SMARCA1: variants seen among roughly 807,000 people sequenced by gnomAD.
SMARCA1 encodes SNF2 related chromatin remodeling ATPase 1, also known as SWI/SNF-related matrix-associated actin-dependent regulator of chromatin subfamily A member 1.
SMARCA1 carries 17 observed loss-of-function variants against 93.6 expected under a neutral mutation model. That is an observed-to-expected ratio of 0.18 (90% confidence interval 0.12 to 0.27). The LOEUF (loss-of-function observed/expected upper bound fraction) is 0.27. Among genes scored for constraint, SMARCA1 ranks in the 10% least tolerant of loss-of-function variants. The pLI is 1.00. For missense variants in SMARCA1, 630 were observed against 819.0 expected, an observed-to-expected ratio of 0.77 and a Z score of 2.82; for synonymous variants, 271 against 271.4, an observed-to-expected ratio of 1.00 and a Z score of 0.01.
chrX:129,461,925 A>AC (rs1932812508), intron 23 of SMARCA1, among the ~76,000 whole-genome samples: 1 of 111,701 alleles, frequency 9.0e-6, no homozygotes. Context: ...TCTTTTGTAT[A>AC]GCTAGCATTT....
chrX:129,510,998 T>C (rs1934999571), intron 6 of SMARCA1, among the ~76,000 whole-genome samples: 1 of 111,825 alleles, frequency 8.9e-6, no homozygotes, highest in Non-Finnish European at 1.9e-5. Flanking sequence ...CTTTTGAGGA[T>C]ATCTTTAGAT....
At chrX:129,517,623 C>A (rs1935250875) in intron 2 of SMARCA1, among the ~76,000 whole-genome samples, 1 of 110,373 alleles carries the variant, frequency 9.1e-6, no homozygotes, top group Non-Finnish European at 1.9e-5. Flanking sequence ...TAGCTATCAA[C>A]AACCAAAAAA....
At chrX:129,459,245 C>T (rs1298243720) in intron 23 of SMARCA1, among the ~76,000 whole-genome samples, 1 of 110,671 alleles carries the variant, frequency 9.0e-6, no homozygotes, top group Non-Finnish European at 1.9e-5. Flanking sequence ...ATGGTGAAAC[C>T]TCATCTCTAC....
intron 19 of SMARCA1, among the ~76,000 whole-genome samples, chrX:129,473,254 T>C (rs935190236): frequency 2.1e-4 from 23 of 111,482 alleles, no homozygotes; most frequent in African/African-American, 7.2e-4. Flanking sequence ...GGGCAGCGAC[T>C]AACAGGTAAG....
intron 21 of SMARCA1, among the ~76,000 whole-genome samples, chrX:129,466,837 T>TA (rs35808392): frequency 0.15 from 11,936 of 80,886 alleles, 620 homozygotes; most frequent in East Asian, 0.24. Context: ...CCTTTTCTCA[T>TA]AAAAAAAAAA....
chrX:129,517,201 A>T (rs945154566), intron 2 of SMARCA1, among the ~76,000 whole-genome samples: 1 of 111,664 alleles, frequency 9.0e-6, no homozygotes, highest in African/African-American at 3.2e-5. Flanking sequence ...ATTAACTATT[A>T]AAAGTTGATA....
chrX:129,503,442 C>T (rs1303729849), intron 9 of SMARCA1, among the ~76,000 whole-genome samples: 8 of 111,282 alleles, frequency 7.2e-5, no homozygotes, highest in African/African-American at 9.8e-5. Flanking sequence ...GTATGGCAGA[C>T]GGAGAAGGGA....
rs1366853473 is a variant in SMARCA1 at position 129,446,524 on chromosome X, TTATTA to T, written c.*633_*637del. On this transcript the variant is annotated 3_prime_UTR_variant, in exon 25 of 25. Transcript: ENST00000371121. ...AATTAAATTTCTTATAGACATTTCT[TTATTA>T]TATTTTCCCACTTGAATAGAGAATA... 2 of 112,619 alleles carry T rather than the reference TTATTA, an allele frequency of 1.8e-5. No individual in the cohort carries two copies. The highest frequency in any genetic ancestry group is 2.7e-4 in the East Asian group (1 of 3,639). The allele number at this position is 112,619 out of a possible 1,213,427, so 9.3% of individuals were successfully genotyped here.
intron 17 of SMARCA1, 120 bp downstream of exon 17, chrX:129,486,898 C>T: frequency 1.8e-6 from 1 of 556,821 alleles, no homozygotes; most frequent in Non-Finnish European, 3.0e-6. Context: ...GATATTTAGA[C>T]CTATATCAAA....
rs371093573 is a variant in SMARCA1 at position 129,518,349 on chromosome X, G to A, written c.261+12C>T. ...TTACAGCATTCACTATCCTATCCAA[G>A]ACTACATTTACCATTTTCTCTTCAT... On this transcript the variant is annotated intron_variant, in intron 2 of 24. Transcript: ENST00000371121. The A allele has an allele frequency of 9.2e-7, 1 of 1,087,106 alleles. No homozygotes were observed. Among genetic ancestry groups the A allele is most frequent in the Non-Finnish European group, 1.3e-6 (1 of 798,112 alleles). 89.6% of individuals were successfully genotyped at this position (1,087,106 alleles called of 1,213,427 possible).
At chrX:129,501,578 G>A (rs1416048299) in intron 9 of SMARCA1, among the ~76,000 whole-genome samples, 1 of 109,603 alleles carries the variant, frequency 9.1e-6, no homozygotes, top group Admixed American at 9.7e-5. Flanking sequence ...TTACAGGCGT[G>A]AGCCACTGCG....
At chrX:129,476,032 G>A (rs1228737545) in intron 19 of SMARCA1, among the ~76,000 whole-genome samples, 1 of 112,441 alleles carries the variant, frequency 8.9e-6, no homozygotes, top group Non-Finnish European at 1.9e-5. Context: ...AGCTTCGAAT[G>A]TGGCAAAACT....
chrX:129,454,908 C>A (rs1373792108), intron 23 of SMARCA1, among the ~76,000 whole-genome samples: 1 of 111,834 alleles, frequency 8.9e-6, no homozygotes, highest in East Asian at 2.8e-4. Context: ...CAATGAAACA[C>A]CATCTCACAC....
intron 17 of SMARCA1, among the ~76,000 whole-genome samples, chrX:129,483,742 A>C (rs1933781975): frequency 8.9e-6 from 1 of 112,021 alleles, no homozygotes; most frequent in Non-Finnish European, 1.9e-5. Flanking sequence ...ATAAGAGTAC[A>C]TTAATGCTAA....
chrX:129,511,583 T>C (rs934310940), intron 6 of SMARCA1, among the ~76,000 whole-genome samples: 2 of 111,523 alleles, frequency 1.8e-5, no homozygotes, highest in African/African-American at 6.5e-5. Flanking sequence ...TAATAATGGA[T>C]TGTCTATTAT....
intron 13 of SMARCA1, 128 bp from the exon 14 acceptor site, chrX:129,492,221 C>A (rs916325079): frequency 4.7e-5 from 19 of 406,918 alleles, no homozygotes; most frequent in African/African-American, 7.5e-5. Flanking sequence ...TTATAATATT[C>A]CTTATAAATA....
chrX:129,496,615 G>C, intron 12 of SMARCA1, 135 bp downstream of exon 12: 1 of 493,682 alleles, frequency 2.0e-6, no homozygotes, highest in South Asian at 3.6e-5. Context: ...AGATTGAAGA[G>C]AGAAAGAGAT....
chrX:129,473,880 A>AT (rs1483291859), intron 19 of SMARCA1, among the ~76,000 whole-genome samples: 1 of 111,888 alleles, frequency 8.9e-6, no homozygotes, highest in Non-Finnish European at 1.9e-5. Flanking sequence ...TTCGAGTTAC[A>AT]TAAGTGTATG....
chrX:129,482,922 T>G (rs1462058998), intron 17 of SMARCA1, among the ~76,000 whole-genome samples: 1 of 111,777 alleles, frequency 8.9e-6, no homozygotes, highest in Non-Finnish European at 1.9e-5. Context: ...GCATCGTATT[T>G]TAAGAGTGGA....
Sources: allele counts gnomAD v4.1 joint callset (sites outside exome capture counted in the v4.1 genomes callset), GRCh38; gene constraint gnomAD v4.1.1; transcripts MANE v1.5; gene names NCBI Gene and HGNC (gene_info 2026-07-23, HGNC 2026-07-21).